Variants in BMAL2 observed in about 807,000 individuals in gnomAD.
BMAL2 encodes basic helix-loop-helix ARNT like 2.
chr12:27,336,947 CAAAAAAA>C, the BMAL2 span, among the ~76,000 whole-genome samples: 449 of 73,812 alleles, frequency 6.1e-3, 3 homozygotes, highest in South Asian at 0.043. Context: ...GAGACTGTCT[CAAAAAAA>C]AAAAAAAAAA....
At chr12:27,360,044 C>A in the BMAL2 span, among the ~76,000 whole-genome samples, 1 of 111,874 alleles carries the variant, frequency 8.9e-6, no homozygotes, top group Non-Finnish European at 1.9e-5. Context: ...CAGAGTGAGA[C>A]CCTATTTAAA....
the BMAL2 span, among the ~76,000 whole-genome samples, chr12:27,395,920 T>C: frequency 3.9e-5 from 6 of 152,228 alleles, no homozygotes; most frequent in Non-Finnish European, 7.3e-5. Flanking sequence ...AGGGTTTTAG[T>C]GTCAGGTCTG....
the BMAL2 span, chr12:27,389,318 CTTA>C: frequency 4.1e-6 from 6 of 1,466,844 alleles, no homozygotes; most frequent in Admixed American, 1.0e-4. Context: ...TTTCCGCATG[CTTA>C]TTATTTTATG....
chr12:27,418,351 A>G, the BMAL2 span, among the ~76,000 whole-genome samples: 1 of 152,216 alleles, frequency 6.6e-6, no homozygotes, highest in Non-Finnish European at 1.5e-5. Flanking sequence ...CTGTAATCCC[A>G]GCACTTTGGG....
At chr12:27,390,566 A>G in the BMAL2 span, 2 of 244,084 alleles carry the variant, frequency 8.2e-6, no homozygotes, top group South Asian at 5.4e-5. Context: ...ATTTTAAAAT[A>G]TAAAGGTTAG....
chr12:27,413,624 G>T, the BMAL2 span, among the ~76,000 whole-genome samples: 1 of 152,094 alleles, frequency 6.6e-6, no homozygotes, highest in African/African-American at 2.4e-5. Context: ...AGAGAACAAT[G>T]AACAATATAG....
the BMAL2 span, among the ~76,000 whole-genome samples, chr12:27,339,734 C>T: frequency 4.6e-5 from 7 of 152,154 alleles, no homozygotes; most frequent in South Asian, 1.0e-3. Flanking sequence ...ATGCCATTCT[C>T]CTGCCTCAGC....
chr12:27,386,507 G>A, the BMAL2 span, among the ~76,000 whole-genome samples: 1 of 152,136 alleles, frequency 6.6e-6, no homozygotes, highest in Non-Finnish European at 1.5e-5. Context: ...CTATAACAAG[G>A]TGTACAGTAT....
chr12:27,379,871 A>C, the BMAL2 span, among the ~76,000 whole-genome samples: 5 of 152,184 alleles, frequency 3.3e-5, no homozygotes, highest in Non-Finnish European at 7.3e-5. Flanking sequence ...AGCTATAAAA[A>C]TAATGAGGTT....
chr12:27,416,829 G>A, the BMAL2 span, among the ~76,000 whole-genome samples: 1,873 of 152,254 alleles, frequency 0.012, 13 homozygotes, highest in South Asian at 0.031. Flanking sequence ...AGGCATGGTG[G>A]CACATGCCTG....
At chr12:27,391,408 C>G in the BMAL2 span, among the ~76,000 whole-genome samples, 2 of 152,166 alleles carry the variant, frequency 1.3e-5, no homozygotes, top group African/African-American at 4.8e-5. Flanking sequence ...TTCCATGATT[C>G]ATACGTAGCC....
the BMAL2 span, among the ~76,000 whole-genome samples, chr12:27,360,822 A>C: frequency 6.7e-6 from 1 of 150,124 alleles, no homozygotes; most frequent in Non-Finnish European, 1.5e-5. Flanking sequence ...AAAAAAAAAA[A>C]AAACAGTACT....
chr12:27,411,477 G>T, the BMAL2 span, among the ~76,000 whole-genome samples: 1 of 152,070 alleles, frequency 6.6e-6, no homozygotes, highest in Non-Finnish European at 1.5e-5. Flanking sequence ...GATTAGCCAC[G>T]CATAGTGGGG....
the BMAL2 span, among the ~76,000 whole-genome samples, chr12:27,392,780 G>T: frequency 4.8e-3 from 732 of 152,260 alleles, 3 homozygotes; most frequent in Non-Finnish European, 8.5e-3. Context: ...GTCAAATTTT[G>T]TATGTGTTTT....
chr12:27,411,512 G>T, the BMAL2 span, among the ~76,000 whole-genome samples: 1 of 152,050 alleles, frequency 6.6e-6, no homozygotes, highest in Non-Finnish European at 1.5e-5. Flanking sequence ...CAGCTACTTG[G>T]GAGGCTGAGG....
At chr12:27,423,237 A>G in the BMAL2 span, 9 of 151,212 alleles carry the variant, frequency 6.0e-5, no homozygotes, top group Admixed American at 3.3e-4. Context: ...CTGCGAGTCA[A>G]TTTTTTGAAT....
the BMAL2 span, among the ~76,000 whole-genome samples, chr12:27,357,050 C>T: frequency 1.5e-3 from 224 of 152,232 alleles, 3 homozygotes; most frequent in African/African-American, 5.0e-3. Flanking sequence ...TAATTGGCTC[C>T]AATTCCATCC....
chr12:27,382,215 C>T, the BMAL2 span, among the ~76,000 whole-genome samples: 8 of 152,250 alleles, frequency 5.3e-5, no homozygotes, highest in Non-Finnish European at 7.4e-5. Flanking sequence ...TGATTGCAAC[C>T]CTGAAATTAG....
At chr12:27,413,147 C>A in the BMAL2 span, among the ~76,000 whole-genome samples, 1 of 152,106 alleles carries the variant, frequency 6.6e-6, no homozygotes, top group Non-Finnish European at 1.5e-5. Flanking sequence ...AAAGGGAATT[C>A]TTCACGTTAA....
Sources: gnomAD v4.1 joint callset for allele counts (sites outside exome capture counted in the v4.1 genomes callset) on GRCh38, gnomAD v4.1.1 for gene constraint, MANE v1.5 for transcripts, NCBI Gene and HGNC (gene_info 2026-07-23, HGNC 2026-07-21) for gene names.